CCDC7: variants seen among roughly 807,000 people sequenced by gnomAD.
CCDC7 encodes the protein coiled-coil domain-containing protein 7.
Under a neutral mutation model 196.9 loss-of-function variants are expected in CCDC7, and 183 were observed. The ratio of observed to expected loss-of-function variants is 0.93; its 90% CI spans 0.82 to 1.05. CCDC7 has a LOEUF of 1.05. CCDC7 is among the 50% of genes least tolerant of loss of function. CCDC7 has a pLI of 0.00. For missense variants in CCDC7, 1,540 were observed against 1,482.2 expected, an observed-to-expected ratio of 1.04 and a Z score of -0.64; for synonymous variants, 525 against 484.6, an observed-to-expected ratio of 1.08 and a Z score of -1.10.
intron 24 of CCDC7, among the ~76,000 whole-genome samples, chr10:32,699,515 C>G (rs1469542864): frequency 6.7e-6 from 1 of 148,674 alleles, no homozygotes; most frequent in Non-Finnish European, 1.5e-5. Context: ...AATAAACATA[C>G]GTGTGCATGT....
chr10:32,506,519 T>C (rs986790802), intron 9 of CCDC7, among the ~76,000 whole-genome samples: 1 of 151,662 alleles, frequency 6.6e-6, no homozygotes, highest in Non-Finnish European at 1.5e-5. Flanking sequence ...GAGGTGGAGG[T>C]TGTAGCGAGC....
At chr10:32,519,673 T>C (rs1371104606) in intron 11 of CCDC7, among the ~76,000 whole-genome samples, 2 of 152,098 alleles carry the variant, frequency 1.3e-5, no homozygotes, top group Non-Finnish European at 2.9e-5. Context: ...GTAATAATCA[T>C]ATCATGGAAA....
At chr10:32,642,255 C>T (rs1245452939) in intron 20 of CCDC7, among the ~76,000 whole-genome samples, 1 of 152,226 alleles carries the variant, frequency 6.6e-6, no homozygotes, top group Admixed American at 6.5e-5. Context: ...GAGGTGGAGT[C>T]TACAGAGGCA....
chr10:32,845,162 C>T (rs2093208849), intron 33 of CCDC7, 81 bp from the exon 35 acceptor site: 1 of 754,236 alleles, frequency 1.3e-6, no homozygotes, highest in East Asian at 2.7e-5. Context: ...GAATATCCTC[C>T]TATAATTAAA....
At chr10:32,582,481 G>A (rs976384574) in intron 16 of CCDC7, among the ~76,000 whole-genome samples, 8 of 151,960 alleles carry the variant, frequency 5.3e-5, no homozygotes, top group Non-Finnish European at 1.2e-4. Flanking sequence ...AACTGGGATT[G>A]TGCATGCAAA....
At chr10:32,809,587 T>C (rs1358633770) in intron 30 of CCDC7, among the ~76,000 whole-genome samples, 9 of 152,140 alleles carry the variant, frequency 5.9e-5, no homozygotes, top group African/African-American at 9.7e-5. Flanking sequence ...AGACACTTTT[T>C]AAAAGAAGAC....
At chr10:32,740,376 G>A (rs914885443) in intron 28 of CCDC7, among the ~76,000 whole-genome samples, 6 of 152,154 alleles carry the variant, frequency 3.9e-5, no homozygotes, top group African/African-American at 1.4e-4. Context: ...AAATACAGTT[G>A]ATACTTGAAC....
chr10:32,852,255 C>G (rs76732828), intron 40 of CCDC7, among the ~76,000 whole-genome samples: 5,140 of 152,228 alleles, frequency 0.034, 100 homozygotes, highest in Non-Finnish European at 0.049. Flanking sequence ...TTATGTATCC[C>G]TCTTTTATGC....
intron 29 of CCDC7, among the ~76,000 whole-genome samples, chr10:32,783,789 A>G (rs558589330): frequency 6.6e-6 from 1 of 152,386 alleles, no homozygotes; most frequent in African/African-American, 2.4e-5. Flanking sequence ...TGGTATATAC[A>G]TACAATGAAA....
chr10:32,469,077 A>G (rs1337891865), intron 5 of CCDC7, among the ~76,000 whole-genome samples: 1 of 152,208 alleles, frequency 6.6e-6, no homozygotes, highest in Non-Finnish European at 1.5e-5. Flanking sequence ...TATCTATTCC[A>G]TACTCTTTTA....
At chr10:32,720,865 G>T (rs1299905227) in intron 25 of CCDC7, among the ~76,000 whole-genome samples, 1 of 152,086 alleles carries the variant, frequency 6.6e-6, no homozygotes, top group Non-Finnish European at 1.5e-5. Context: ...ACCGAAGTGG[G>T]TATATTGCTT....
intron 18 of CCDC7, among the ~76,000 whole-genome samples, chr10:32,627,969 A>AT (rs376444216): frequency 4.7e-4 from 71 of 151,292 alleles, no homozygotes; most frequent in African/African-American, 1.5e-3. Context: ...TTGGTCAGTA[A>AT]TTTTTTTTTC....
intron 20 of CCDC7, among the ~76,000 whole-genome samples, chr10:32,641,758 CTGTTT>C: frequency 6.6e-6 from 1 of 152,260 alleles, no homozygotes; most frequent in East Asian, 1.9e-4. Context: ...TTTTTCTGTT[CTGTTT>C]TTTCCCCATC....
intron 21 of CCDC7, among the ~76,000 whole-genome samples, chr10:32,681,631 A>G (rs1456613963): frequency 6.6e-6 from 1 of 151,984 alleles, no homozygotes; most frequent in African/African-American, 2.4e-5. Context: ...GGGAATCTCT[A>G]TGATAATTGC....
At position 32,689,174 on chromosome 10, in the gene CCDC7, A is replaced by C. The variant is rs773851470; in HGVS notation, c.2344+11A>C. 6.8e-7 allele frequency: 1 copy of C among 1,461,106 alleles called. No homozygotes were observed. The highest frequency in any genetic ancestry group is 2.3e-5 in the East Asian group (1 of 43,318). The allele number at this position is 1,461,106 out of a possible 1,614,324, so 90.5% of individuals were successfully genotyped here. On this transcript the variant is annotated intron_variant, in intron 23 of 41. Coordinates refer to ENST00000639629, the Ensembl canonical transcript of CCDC7. ...GGCAAAGAATTATTAGTAAGTATAA[A>C]AAGTAAAGATAACTTTAAATTATTT...
chr10:32,632,608 C>T (rs1056342216), intron 18 of CCDC7, among the ~76,000 whole-genome samples: 1 of 151,998 alleles, frequency 6.6e-6, no homozygotes, highest in African/African-American at 2.4e-5. Context: ...ATCACTTTAG[C>T]TGCATCCCAT....
chr10:32,799,272 G>A (rs868610453), intron 29 of CCDC7, among the ~76,000 whole-genome samples: 16 of 152,142 alleles, frequency 1.1e-4, no homozygotes, highest in South Asian at 8.3e-4. Flanking sequence ...TCCAAAATCC[G>A]AGAGGGCTCC....
chr10:32,590,099 T>G (rs2059647192), intron 18 of CCDC7, among the ~76,000 whole-genome samples: 1 of 152,154 alleles, frequency 6.6e-6, no homozygotes, highest in East Asian at 1.9e-4. Context: ...TGCCATTTTG[T>G]TATTGCTTTT....
At chr10:32,776,461 A>T (rs2080081837) in intron 28 of CCDC7, among the ~76,000 whole-genome samples, 1 of 152,026 alleles carries the variant, frequency 6.6e-6, no homozygotes, top group African/African-American at 2.4e-5. Context: ...CATATAACAT[A>T]CTCAGTCTCA....
Sources: allele counts gnomAD v4.1 joint callset (sites outside exome capture counted in the v4.1 genomes callset), GRCh38; gene constraint gnomAD v4.1.1; transcripts MANE v1.5; gene names NCBI Gene and HGNC (gene_info 2026-07-23, HGNC 2026-07-21).